Variants in TRPM7 observed in about 807,000 individuals in gnomAD.
The protein encoded by TRPM7 is LTRPC ion channel family member 7.
TRPM7 carries 134 observed loss-of-function variants against 229.7 expected under a neutral mutation model. That is an observed-to-expected ratio of 0.58 (90% confidence interval 0.51 to 0.67). The LOEUF (loss-of-function observed/expected upper bound fraction) is 0.67. TRPM7 is among the 30% of genes least tolerant of loss of function. The pLI, the probability that TRPM7 is intolerant of heterozygous loss-of-function variation, is 0.00. For missense variants in TRPM7, 1,901 were observed against 2,210.0 expected (o/e 0.86, Z 2.80); for synonymous variants, 699 against 715.2 (o/e 0.98, Z 0.36).
intron 19 of TRPM7, among the ~76,000 whole-genome samples, chr15:50,608,759 A>G (rs1380451580): frequency 2.6e-5 from 4 of 152,240 alleles, no homozygotes; most frequent in Non-Finnish European, 4.4e-5. Context: ...CCCCAACAAC[A>G]AAGTTAAAAA....
At chr15:50,659,244 G>C (rs1444905489) in intron 2 of TRPM7, among the ~76,000 whole-genome samples, 1 of 151,538 alleles carries the variant, frequency 6.6e-6, no homozygotes, top group African/African-American at 2.4e-5. Context: ...ATAAGTTACA[G>C]TCACAGTGGG....
chr15:50,631,592 T>C (rs1338851754), intron 9 of TRPM7, 103 bp from the exon 10 acceptor site: 1 of 615,350 alleles, frequency 1.6e-6, no homozygotes, highest in Non-Finnish European at 2.9e-6. Context: ...AATATATATG[T>C]ATGTATCTAG....
chr15:50,572,021 G>C (rs1042951079), intron 36 of TRPM7, among the ~76,000 whole-genome samples: 1 of 152,228 alleles, frequency 6.6e-6, no homozygotes. Context: ...ACTGTGGCCA[G>C]AGAGTGGCTC....
At chr15:50,622,567 C>T (rs575323813) in intron 12 of TRPM7, among the ~76,000 whole-genome samples, 5 of 152,166 alleles carry the variant, frequency 3.3e-5, no homozygotes, top group Non-Finnish European at 5.9e-5. Flanking sequence ...CAAAGTTCAA[C>T]GCAAATGTGC....
At chr15:50,606,732 C>T (rs964008670) in intron 20 of TRPM7, among the ~76,000 whole-genome samples, 36 of 152,146 alleles carry the variant, frequency 2.4e-4, no homozygotes, top group Admixed American at 1.9e-3. Flanking sequence ...CTCCTGACCT[C>T]GAGTGATCCG....
At chr15:50,672,025 G>C (rs1398074678) in intron 1 of TRPM7, among the ~76,000 whole-genome samples, 1 of 152,128 alleles carries the variant, frequency 6.6e-6, no homozygotes, top group Non-Finnish European at 1.5e-5. Context: ...TTTATGGTTA[G>C]AGTGTACTCC....
In TRPM7 at chr15:50,681,910, G is replaced by A. The variant is rs561058510; in HGVS notation, c.3+4621C>T. ...CAGTGATGCTCATAAAAGACTGTGC[G>A]GTGGCTCACGCCTGTAATCCCAGCA... On this transcript the variant is annotated intron_variant, in intron 1 of 38. Transcript: ENST00000646667. Among the ~76,000 whole-genome samples the A allele has an allele frequency of 7.2e-5, 11 of 152,206 alleles. No individual in the cohort carries two copies. The East Asian group carries it at 9.6e-4, about 13-fold the overall frequency.
intron 1 of TRPM7, among the ~76,000 whole-genome samples, chr15:50,672,677 A>T (rs1284103662): frequency 6.6e-6 from 1 of 152,010 alleles, no homozygotes; most frequent in Non-Finnish European, 1.5e-5. Flanking sequence ...TGGGAGGCTG[A>T]GGCAGGCGGA....
intron 16 of TRPM7, among the ~76,000 whole-genome samples, chr15:50,612,241 C>T (rs1337087349): frequency 6.6e-6 from 1 of 152,134 alleles, no homozygotes; most frequent in Non-Finnish European, 1.5e-5. Flanking sequence ...CAGACAAGTA[C>T]CACCACACCC....
chr15:50,670,486 C>T (rs2061964119), intron 1 of TRPM7, among the ~76,000 whole-genome samples: 1 of 152,140 alleles, frequency 6.6e-6, no homozygotes, highest in Non-Finnish European at 1.5e-5. Context: ...TTCCTCACTG[C>T]TCATTATATG....
At chr15:50,647,474 A>C (rs765308741) in intron 4 of TRPM7, among the ~76,000 whole-genome samples, 2 of 150,186 alleles carry the variant, frequency 1.3e-5, no homozygotes, top group Admixed American at 1.3e-4. Context: ...GGCCGGGCAC[A>C]GTGGCTCAGG....
intron 3 of TRPM7, among the ~76,000 whole-genome samples, chr15:50,649,448 AAAAG>A (rs915444692): frequency 2.6e-3 from 390 of 151,950 alleles, no homozygotes; most frequent in Non-Finnish European, 4.6e-3. Flanking sequence ...AAAAAAAAAA[AAAAG>A]AAAGAAAGAA....
At chr15:50,565,376 T>C (rs562678637) in intron 38 of TRPM7, among the ~76,000 whole-genome samples, 8 of 152,204 alleles carry the variant, frequency 5.3e-5, no homozygotes, top group Admixed American at 1.3e-4. Flanking sequence ...TAGATGTGTG[T>C]GTGTATGTTT....
chr15:50,614,277 A>G lies in TRPM7; in HGVS notation c.1495-14T>C. ...AGGAAGATTTCCCTAGAAACAAAAC[A>G]TTTGTTTTAAATAGATCAGATAGCA... On this transcript the variant is annotated splice_polypyrimidine_tract_variant and intron_variant, in intron 13 of 38. Coordinates refer to ENST00000646667, the MANE Select transcript of TRPM7 (RefSeq NM_017672.6). The G allele has an allele frequency of 6.3e-7, 1 of 1,593,062 alleles. No individual in the cohort carries two copies. The highest frequency in any genetic ancestry group is 8.5e-7 in the Non-Finnish European group (1 of 1,171,242).
chr15:50,629,593 C>G (rs1339788901), intron 10 of TRPM7, among the ~76,000 whole-genome samples: 1 of 134,990 alleles, frequency 7.4e-6, no homozygotes, highest in African/African-American at 3.0e-5. Flanking sequence ...TTGGATTCCT[C>G]TACTAATTAT....
chr15:50,662,643 C>A (rs2061756695), intron 2 of TRPM7, among the ~76,000 whole-genome samples: 1 of 152,082 alleles, frequency 6.6e-6, no homozygotes, highest in Non-Finnish European at 1.5e-5. Flanking sequence ...TTCCCAATAT[C>A]AGTGAATCCA....
chr15:50,658,638 T>C (rs531402235), intron 2 of TRPM7, among the ~76,000 whole-genome samples: 2 of 150,492 alleles, frequency 1.3e-5, no homozygotes, highest in Non-Finnish European at 2.9e-5. Flanking sequence ...TGGGTGAGAG[T>C]ATATATTTAT....
intron 2 of TRPM7, among the ~76,000 whole-genome samples, chr15:50,659,541 A>G (rs981137995): frequency 1.3e-5 from 2 of 152,216 alleles, no homozygotes; most frequent in African/African-American, 2.4e-5. Flanking sequence ...TCTCTCATGA[A>G]TGGTTAAAGG....
chr15:50,643,211 C>T (rs145908992), intron 5 of TRPM7, 129 bp downstream of exon 5: 439 of 691,916 alleles, frequency 6.3e-4, no homozygotes, highest in South Asian at 2.4e-3. Context: ...ATTGCTTGAG[C>T]CCGGGAGGCA....
Sources: gnomAD v4.1 joint callset for allele counts (sites outside exome capture counted in the v4.1 genomes callset) on GRCh38, gnomAD v4.1.1 for gene constraint, MANE v1.5 for transcripts, NCBI Gene and HGNC (gene_info 2026-07-23, HGNC 2026-07-21) for gene names.